The following CPSF2 variants were observed in gnomAD, a reference collection of about 807,000 sequenced individuals.
CPSF2 encodes cleavage and polyadenylation specific factor 2.
Under a neutral mutation model 84.2 loss-of-function variants are expected in CPSF2, and 51 were observed. That is an observed-to-expected ratio of 0.61 (90% CI 0.48 to 0.77). The LOEUF (loss-of-function observed/expected upper bound fraction) is 0.77, where lower values mean the gene tolerates loss of function less well. Ranked by LOEUF, CPSF2 falls within the 30% of genes least tolerant of loss-of-function variation. The pLI is 0.00. For missense variants in CPSF2, 641 were observed against 929.4 expected, an observed-to-expected ratio of 0.69 and a Z score of 4.03; for synonymous variants, 286 against 311.9, an observed-to-expected ratio of 0.92 and a Z score of 0.87.
chr14:92,148,838 A>C (rs1331573065), intron 9 of CPSF2, among the ~76,000 whole-genome samples: 13 of 151,662 alleles, frequency 8.6e-5, no homozygotes, highest in Admixed American at 8.5e-4. Context: ...GGACCAAATT[A>C]TCATGTATTC....
chr14:92,170,476 C>A lies in CPSF2; in HGVS notation c.*8732C>A, dbSNP rs984052184. Reference sequence around the variant, plus strand: ...GAAACCAGCATTGATAAAATTCTACCATTTGATCCACGAACCCCATTCAAA... The same window carrying A: ...GAAACCAGCATTGATAAAATTCTACAATTTGATCCACGAACCCCATTCAAA... On this transcript the variant is annotated 3_prime_UTR_variant, in exon 16 of 16. Transcript: ENST00000298875. 1.1e-4 allele frequency: 17 copies of A among 152,188 alleles called. No homozygotes were observed. The highest frequency in any genetic ancestry group is 3.9e-4 in the African/African-American group (16 of 41,450). The allele number at this position is 152,188 out of a possible 1,614,324, so 9.4% of individuals were successfully genotyped here.
chr14:92,151,109 A>G (rs2069209692), intron 9 of CPSF2, among the ~76,000 whole-genome samples: 1 of 152,158 alleles, frequency 6.6e-6, no homozygotes, highest in South Asian at 2.1e-4. Context: ...TTTAAAATAC[A>G]GGCTGGGCAC....
rs765906946 is a variant in CPSF2, at chr14:92,155,210, G to A, written c.1329G>A (p.Met443Ile). 1.3e-5 allele frequency: 21 copies of A among 1,614,032 alleles called. No individual in the cohort carries two copies. Among genetic ancestry groups the A allele is most frequent in the Non-Finnish European group, 1.8e-5 (21 of 1,179,926 alleles). The change falls in exon 11 of 16, where the codon ATG (methionine) becomes ATA (isoleucine). Residue 443 changes from methionine to isoleucine, a missense_variant. This residue lies in a region of CPSF2 where 430 missense variants were observed against 553.6 expected (regional missense o/e 0.78). Coordinates refer to ENST00000298875, the MANE Select transcript of CPSF2 (RefSeq NM_017437.3). Reference sequence around the variant, plus strand: ...ATAAGACGAAGCATGACTTGATGATGAAAGGTGAAGGCAGTCGTAAAGGAA... The same window carrying A: ...ATAAGACGAAGCATGACTTGATGATAAAAGGTGAAGGCAGTCGTAAAGGAA... ...SAHKTKHDLM[M>I]KGEGSRKGSF...
intron 2 of CPSF2, 46 bp from the exon 3 acceptor site, chr14:92,130,905 C>A: frequency 3.3e-6 from 4 of 1,197,286 alleles, no homozygotes; most frequent in Middle Eastern, 2.0e-4. Flanking sequence ...TTATATATGC[C>A]AGACTGTGCT....
chr14:92,134,942 A>C (rs187533743), intron 5 of CPSF2, among the ~76,000 whole-genome samples: 165 of 152,334 alleles, frequency 1.1e-3, no homozygotes, highest in African/African-American at 3.9e-3. Flanking sequence ...GCTTCTAGTT[A>C]ATTTTTCTGC....
chr14:92,134,468 AAGTT>A, intron 5 of CPSF2, 113 bp downstream of exon 5: 1 of 687,800 alleles, frequency 1.5e-6, no homozygotes, highest in Non-Finnish European at 2.5e-6. Context: ...AAGAATAAAA[AAGTT>A]AGCACATTCT....
At chr14:92,154,299 G>A (rs2069260596) in intron 9 of CPSF2, 59 bp from the exon 10 acceptor site, 3 of 1,254,454 alleles carry the variant, frequency 2.4e-6, no homozygotes, top group Non-Finnish European at 2.2e-6. Context: ...ATATCCCACT[G>A]CTTTAACCCC....
Position 92,122,002 on chromosome 14 carries a change from T to C in CPSF2, c.-220T>C. 1.5e-6 allele frequency: 1 copy of C among 658,938 alleles called. No homozygotes were observed. The highest frequency in any genetic ancestry group is 2.7e-5 in the Admixed American group (1 of 36,790). 40.8% of individuals were successfully genotyped at this position (658,938 alleles called of 1,614,324 possible). A position where few individuals can be genotyped will look rare whatever the true frequency, so the allele number is the denominator to read the frequency against. ...CCAGCTCCAAAATGGCGGCTGCCAC[T>C]GTGGGGCTTCTGCCGGCCGGTAGTC... On this transcript the variant is annotated 5_prime_UTR_variant, in exon 1 of 16. Coordinates refer to ENST00000298875, the MANE Select transcript of CPSF2 (RefSeq NM_017437.3).
At position 92,157,186 on chromosome 14, in the gene CPSF2, A is replaced by G; in HGVS notation, c.1596-473A>G. Among the ~76,000 whole-genome samples the G allele has an allele frequency of 6.6e-6, 1 of 152,156 alleles. No individual in the cohort carries two copies. The highest frequency in any genetic ancestry group is 6.6e-5 in the Admixed American group (1 of 15,262). On this transcript the variant is annotated intron_variant, in intron 12 of 15. Coordinates refer to ENST00000298875, the MANE Select transcript of CPSF2 (RefSeq NM_017437.3). This position sits in a 1 kb window ranked among gnomAD's most constrained non-coding sequence, Gnocchi z 4.0. Reference sequence around the variant, plus strand: ...TTTGTCCAGTAATATCATTTAGTATATATTTTTGGGTGTAGATAAAATCTA... The same window carrying G: ...TTTGTCCAGTAATATCATTTAGTATGTATTTTTGGGTGTAGATAAAATCTA...
At position 92,165,411 on chromosome 14, in the gene CPSF2, C is replaced by G. The variant is rs1051305847; in HGVS notation, c.*3667C>G. On this transcript the variant is annotated 3_prime_UTR_variant, in exon 16 of 16. Coordinates refer to ENST00000298875, the MANE Select transcript of CPSF2 (RefSeq NM_017437.3). ...TTCCACCAGCATGTGTTTGAGGGTT[C>G]CATTTTCTCCTCATTCTTGACAACA... 2 of 152,058 alleles carry G rather than the reference C, an allele frequency of 1.3e-5. No individual in the cohort carries two copies. Among genetic ancestry groups the G allele is most frequent in the Admixed American group, 6.6e-5 (1 of 15,248 alleles). 9.4% of individuals were successfully genotyped at this position (152,058 alleles called of 1,614,324 possible). A position where few individuals can be genotyped will look rare whatever the true frequency, so the allele number is the denominator to read the frequency against.
At chr14:92,142,730 A>G (rs958407287) in intron 8 of CPSF2, among the ~76,000 whole-genome samples, 5 of 152,268 alleles carry the variant, frequency 3.3e-5, no homozygotes, top group South Asian at 2.1e-4. Context: ...TGGGAGTAAG[A>G]TTTTCATTTA....
chr14:92,141,083 T>A (rs1352308854), intron 7 of CPSF2, among the ~76,000 whole-genome samples: 1 of 152,188 alleles, frequency 6.6e-6, no homozygotes, highest in East Asian at 1.9e-4. Context: ...TCTATAGGCA[T>A]ACATACATAC....
chr14:92,145,482 A>G (rs1408059512), intron 9 of CPSF2, among the ~76,000 whole-genome samples: 1 of 152,236 alleles, frequency 6.6e-6, no homozygotes, highest in East Asian at 1.9e-4. Context: ...TGCCAACTCT[A>G]CTTAAGAAAA....
At chr14:92,147,532 G>A (rs924310488) in intron 9 of CPSF2, among the ~76,000 whole-genome samples, 13 of 152,094 alleles carry the variant, frequency 8.5e-5, no homozygotes, top group Non-Finnish European at 1.8e-4. Context: ...ATTTATTATA[G>A]CAACAGGCAT....
At chr14:92,151,478 A>G (rs567990109) in intron 9 of CPSF2, among the ~76,000 whole-genome samples, 56 of 152,118 alleles carry the variant, frequency 3.7e-4, no homozygotes, top group Non-Finnish European at 5.9e-4. Flanking sequence ...TAAAAAGTCT[A>G]TTAGTATGGT....
chr14:92,165,131 C>T lies in CPSF2; in HGVS notation c.*3387C>T, dbSNP rs968081289. ...ACCCTTTTTGTGACTGAATATTATT[C>T]CACCGAATGGATATACCACATTTTA... On this transcript the variant is annotated 3_prime_UTR_variant, in exon 16 of 16. Transcript: ENST00000298875. 3 of 152,120 alleles carry T rather than the reference C, an allele frequency of 2.0e-5. No individual in the cohort carries two copies. The highest frequency in any genetic ancestry group is 7.2e-5 in the African/African-American group (3 of 41,422). The allele number at this position is 152,120 out of a possible 1,614,324, so 9.4% of individuals were successfully genotyped here. A position where few individuals can be genotyped will look rare whatever the true frequency, so the allele number is the denominator to read the frequency against.
At chr14:92,147,994 G>A (rs1325851353) in intron 9 of CPSF2, among the ~76,000 whole-genome samples, 1 of 152,198 alleles carries the variant, frequency 6.6e-6, no homozygotes, top group African/African-American at 2.4e-5. Flanking sequence ...CAAAGTGTGG[G>A]TATTATAGGT....
At chr14:92,138,927 T>C (rs112299938) in intron 7 of CPSF2, among the ~76,000 whole-genome samples, 5 of 152,118 alleles carry the variant, frequency 3.3e-5, no homozygotes, top group African/African-American at 1.2e-4. Flanking sequence ...ACTTTAGTAT[T>C]TTTGAAAAAA....
intron 6 of CPSF2, among the ~76,000 whole-genome samples, chr14:92,136,513 C>G (rs192223298): frequency 6.6e-6 from 1 of 152,284 alleles, no homozygotes; most frequent in Admixed American, 6.5e-5. Flanking sequence ...TTAGACACAT[C>G]TGAAGCCTGT....
Sources: allele counts gnomAD v4.1 joint callset (sites outside exome capture counted in the v4.1 genomes callset), GRCh38; gene constraint gnomAD v4.1.1; regional missense constraint gnomAD v4.1.1; non-coding constraint Gnocchi (gnomAD v3.1); transcripts MANE v1.5; gene names NCBI Gene and HGNC (gene_info 2026-07-23, HGNC 2026-07-21).